TAF1: variants seen among roughly 807,000 people sequenced by gnomAD.
TAF1 encodes the protein TATA-box binding protein associated factor 1.
TAF1 carries 2 observed loss-of-function variants against 138.5 expected under a neutral mutation model. The ratio of observed to expected loss-of-function variants is 0.01; its 90% CI spans 0.01 to 0.05. TAF1 has a LOEUF of 0.05. TAF1 is among the 10% of genes least tolerant of loss of function. The probability of loss-of-function intolerance (pLI) is 1.00; values close to 1 mark genes in which losing one functional copy is unlikely to be tolerated. For synonymous variants in TAF1, 437 were observed against 503.2 expected (o/e 0.87, Z 1.76); for missense variants, 709 against 1,478.0 (o/e 0.48, Z 8.53).
chrX:71,407,088 G>A (rs930934068), intron 26 of TAF1, among the ~76,000 whole-genome samples: 3 of 108,332 alleles, frequency 2.8e-5, no homozygotes, highest in Admixed American at 1.0e-4. Flanking sequence ...GCTAATTTTT[G>A]TATTTTTAGT....
chrX:71,368,015 C>G (rs1363604963), intron 2 of TAF1, 39 bp from the exon 3 acceptor site: 1 of 1,155,828 alleles, frequency 8.7e-7, no homozygotes. Context: ...GAGTGAGGGT[C>G]GCTTACTGTT....
At chrX:71,486,076 A>G (rs771897954) in intron 13 of TAF1, among the ~76,000 whole-genome samples, 1 of 109,557 alleles carries the variant, frequency 9.1e-6, no homozygotes, top group Non-Finnish European at 1.9e-5. Flanking sequence ...CCTGGGTTCA[A>G]GCGATTCTCG....
rs1388649142 is a variant in TAF1 at position 71,377,679 on chromosome X, A to G, written c.791A>G (p.Lys264Arg). 1 of 1,211,788 alleles carries G rather than the reference A, an allele frequency of 8.3e-7. No homozygotes were observed. The highest frequency in any genetic ancestry group is 3.0e-5 in the East Asian group (1 of 33,832). Residue 264 changes from lysine (K) to arginine (R), a missense_variant, in exon 6 of 38, where the codon AAG (lysine) becomes AGG (arginine). Coordinates refer to ENST00000423759, the MANE Select transcript of TAF1 (RefSeq NM_004606.5). ...TGGCGGAGTGCTCGGAGAAAGAGGA[A>G]GAAGAAGCACCGTGAGCTGATACAG... ...SVWRSARRKR[K>R]KKHRELIQEE... is the part of the protein sequence containing the mutation.
chrX:71,392,497 A>G (rs2034620981), intron 18 of TAF1, 72 bp from the exon 19 acceptor site: 2 of 1,059,932 alleles, frequency 1.9e-6, no homozygotes, highest in Non-Finnish European at 2.5e-6. Context: ...TAATTATTCT[A>G]CTCTTGTAGA....
chrX:71,420,314 G>T (rs762224991), intron 28 of TAF1: 22 of 1,154,763 alleles, frequency 1.9e-5, no homozygotes, highest in Non-Finnish European at 2.5e-5. Flanking sequence ...CTAAGGCCAG[G>T]GAAGTCCTCA....
intron 36 of TAF1, among the ~76,000 whole-genome samples, chrX:71,459,940 T>C (rs184868226): frequency 3.4e-4 from 38 of 112,076 alleles, no homozygotes; most frequent in African/African-American, 1.2e-3. Flanking sequence ...ACAGCTTTGA[T>C]CTGGATACTT....
intron 20 of TAF1, 55 bp downstream of exon 20, chrX:71,393,049 A>C: frequency 1.7e-6 from 2 of 1,183,664 alleles, no homozygotes; most frequent in Non-Finnish European, 2.3e-6. Flanking sequence ...ATAGAGTTGG[A>C]ATTGCTAGGA....
chrX:71,382,712 A>G (rs1320130927), intron 10 of TAF1, 49 bp downstream of exon 10: 33 of 1,202,716 alleles, frequency 2.7e-5, no homozygotes, highest in Non-Finnish European at 3.6e-5. Flanking sequence ...AAAGAAAGGT[A>G]ATAGAGAAGG....
intron 13 of TAF1, among the ~76,000 whole-genome samples, chrX:71,508,933 A>G (rs2039684598): frequency 9.2e-6 from 1 of 108,606 alleles, no homozygotes; most frequent in South Asian, 4.0e-4. Flanking sequence ...CAGCCTCCTG[A>G]GTAGCTGGGA....
At chrX:71,422,255 C>A (rs922016866) in intron 29 of TAF1, among the ~76,000 whole-genome samples, 2 of 110,161 alleles carry the variant, frequency 1.8e-5, no homozygotes, top group African/African-American at 6.6e-5. Context: ...TTTTGGTGAA[C>A]CAGAAGAATA....
intron 8 of TAF1, 79 bp downstream of exon 8, chrX:71,379,110 T>A: frequency 1.2e-6 from 1 of 865,980 alleles, no homozygotes; most frequent in Non-Finnish European, 1.6e-6. Context: ...CTGTGATTTT[T>A]TTTTTTTTTT....
intron 13 of TAF1, among the ~76,000 whole-genome samples, chrX:71,506,568 G>A (rs780342831): frequency 1.0e-4 from 11 of 107,051 alleles, no homozygotes; most frequent in Admixed American, 3.1e-4. Flanking sequence ...GGTGGCACGC[G>A]CCTGTAGTCC....
At chrX:71,527,524 G>A (rs999075023) in intron 13 of TAF1, among the ~76,000 whole-genome samples, 9 of 111,484 alleles carry the variant, frequency 8.1e-5, no homozygotes, top group Non-Finnish European at 1.3e-4. Flanking sequence ...AGTGGAGGAG[G>A]AGTTGCGGCA....
At chrX:71,398,819 T>C in intron 24 of TAF1, 82 bp downstream of exon 24, 2 of 1,087,782 alleles carry the variant, frequency 1.8e-6, no homozygotes, top group Middle Eastern at 2.5e-4. Context: ...ATATCCTCCT[T>C]TACTGGGAAT....
intron 3 of TAF1, among the ~76,000 whole-genome samples, chrX:71,373,146 G>T (rs1170122881): frequency 9.5e-6 from 1 of 105,177 alleles, no homozygotes; most frequent in Non-Finnish European, 1.9e-5. Flanking sequence ...GATTACAGGC[G>T]TGAGCCTCTG....
chrX:71,379,070 C>T, intron 8 of TAF1, 39 bp downstream of exon 8: 1 of 1,065,508 alleles, frequency 9.4e-7, no homozygotes, highest in East Asian at 3.1e-5. Context: ...AGATACTGCC[C>T]TTAATCTTAG....
At chrX:71,372,249 T>A (rs2033113908) in intron 3 of TAF1, among the ~76,000 whole-genome samples, 1 of 108,804 alleles carries the variant, frequency 9.2e-6, no homozygotes, top group Non-Finnish European at 1.9e-5. Context: ...CTGACCAACA[T>A]GGTGAAATGC....
chrX:71,466,931 A>G (rs1457653124), downstream of TAF1, among the ~76,000 whole-genome samples: 2 of 110,853 alleles, frequency 1.8e-5, no homozygotes, highest in African/African-American at 6.6e-5. Flanking sequence ...GATCATTGCA[A>G]TAAATATTTA....
chrX:71,418,971 TG>T (rs1569325599), intron 28 of TAF1, among the ~76,000 whole-genome samples: 2 of 110,807 alleles, frequency 1.8e-5, no homozygotes, highest in Non-Finnish European at 3.8e-5. Flanking sequence ...TTCTCCATGT[TG>T]GTCAGGCTGG....
Sources: gnomAD v4.1 joint callset for allele counts (sites outside exome capture counted in the v4.1 genomes callset) on GRCh38, gnomAD v4.1.1 for gene constraint, MANE v1.5 for transcripts, NCBI Gene and HGNC (gene_info 2026-07-23, HGNC 2026-07-21) for gene names.